SLC13A1: variants seen among roughly 807,000 people sequenced by gnomAD.
SLC13A1 encodes solute carrier family 13 member 1.
In SLC13A1, 65 loss-of-function variants were observed where a neutral mutation model predicts 70.0. That is an observed-to-expected ratio of 0.93 (90% CI 0.76 to 1.14). SLC13A1 has a LOEUF of 1.14. Ranked by LOEUF, SLC13A1 falls within the 50% of genes most tolerant of loss-of-function variation. SLC13A1 has a pLI of 0.00. For synonymous variants in SLC13A1, 275 were observed against 250.5 expected (o/e 1.10, Z -0.92); for missense variants, 726 against 717.8 (o/e 1.01, Z -0.13).
intron 6 of SLC13A1, among the ~76,000 whole-genome samples, chr7:123,150,851 T>A (rs1794530159): frequency 6.6e-6 from 1 of 152,106 alleles, no homozygotes; most frequent in South Asian, 2.1e-4. Flanking sequence ...CTTCCATCCT[T>A]CCTTAAAACT....
chr7:123,157,881 A>G (rs1326392746), intron 6 of SLC13A1, among the ~76,000 whole-genome samples: 1 of 152,146 alleles, frequency 6.6e-6, no homozygotes, highest in African/African-American at 2.4e-5. Flanking sequence ...GAAAATACAC[A>G]TAAAGCTGGT....
chr7:123,125,838 T>A (rs1216350110), intron 10 of SLC13A1, among the ~76,000 whole-genome samples, 163 bp from the exon 11 acceptor site: 1 of 152,162 alleles, frequency 6.6e-6, no homozygotes, highest in Admixed American at 6.5e-5. Context: ...GGATTCCCGA[T>A]TAAATGACAC....
chr7:123,128,007 G>C (rs12535930), intron 10 of SLC13A1, among the ~76,000 whole-genome samples: 1 of 151,756 alleles, frequency 6.6e-6, no homozygotes, highest in East Asian at 1.9e-4. Flanking sequence ...CCTTAATTTA[G>C]AAAATTATGC....
chr7:123,168,633 C>G (rs927365460), intron 4 of SLC13A1, 72 bp from the exon 5 acceptor site: 1 of 1,082,810 alleles, frequency 9.2e-7, no homozygotes, highest in Non-Finnish European at 1.4e-6. Context: ...TGTGTGGATG[C>G]GAAGATGGAA....
intron 1 of SLC13A1, chr7:123,186,706 G>A: frequency 2.2e-6 from 1 of 453,948 alleles, no homozygotes; most frequent in South Asian, 1.6e-5. Flanking sequence ...CCCCAAGTCT[G>A]CTGGAAGTTG....
intron 12 of SLC13A1, among the ~76,000 whole-genome samples, chr7:123,120,112 T>C (rs190348338): frequency 2.0e-3 from 307 of 152,152 alleles, no homozygotes; most frequent in African/African-American, 6.7e-3. Flanking sequence ...TCCTGCTCCA[T>C]TTGGCTTAGT....
chr7:123,136,491 C>A (rs1455241926), intron 7 of SLC13A1, among the ~76,000 whole-genome samples: 1 of 152,160 alleles, frequency 6.6e-6, no homozygotes, highest in Non-Finnish European at 1.5e-5. Context: ...TCATGTCCTG[C>A]AAGTGAAGAG....
chr7:123,188,077 G>A (rs1383709989), intron 1 of SLC13A1, among the ~76,000 whole-genome samples: 3 of 152,126 alleles, frequency 2.0e-5, no homozygotes, highest in African/African-American at 7.2e-5. Context: ...TGCTACCCAG[G>A]TGTCAAGGGA....
At chr7:123,133,227 A>T (rs976895985) in intron 8 of SLC13A1, among the ~76,000 whole-genome samples, 2 of 152,156 alleles carry the variant, frequency 1.3e-5, no homozygotes, top group South Asian at 4.1e-4. Context: ...CCAGAATTTT[A>T]TTCCTGGTCT....
chr7:123,166,250 A>G (rs944536241), intron 6 of SLC13A1, among the ~76,000 whole-genome samples: 2 of 152,106 alleles, frequency 1.3e-5, no homozygotes, highest in Non-Finnish European at 2.9e-5. Flanking sequence ...ATATCAAATC[A>G]ATTTGAATGG....
At chr7:123,130,403 T>C (rs901302355) in intron 8 of SLC13A1, among the ~76,000 whole-genome samples, 1 of 152,170 alleles carries the variant, frequency 6.6e-6, no homozygotes. Context: ...AACAAGATCA[T>C]GTCCTTTGCA....
At chr7:123,183,120 T>C (rs1231916552) in intron 1 of SLC13A1, among the ~76,000 whole-genome samples, 1 of 152,154 alleles carries the variant, frequency 6.6e-6, no homozygotes, top group Non-Finnish European at 1.5e-5. Context: ...CTTTATGTGC[T>C]AGTTTCTACC....
chr7:123,193,953 T>A (rs1291429899), intron 1 of SLC13A1, among the ~76,000 whole-genome samples: 10 of 152,126 alleles, frequency 6.6e-5, no homozygotes, highest in Admixed American at 6.6e-4. Flanking sequence ...CTCTTTCTCC[T>A]GCATTCTCTC....
intron 7 of SLC13A1, among the ~76,000 whole-genome samples, chr7:123,135,471 T>G (rs1428709183): frequency 6.6e-6 from 1 of 152,108 alleles, no homozygotes; most frequent in East Asian, 1.9e-4. Context: ...AAAACAAAGA[T>G]ATACAGAAGT....
intron 6 of SLC13A1, among the ~76,000 whole-genome samples, chr7:123,152,925 A>G (rs958087236): frequency 2.0e-5 from 3 of 152,254 alleles, no homozygotes; most frequent in African/African-American, 7.2e-5. Flanking sequence ...TTAACATTAA[A>G]TAGTTTACTA....
chr7:123,165,247 T>C (rs984978738), intron 6 of SLC13A1, among the ~76,000 whole-genome samples: 2 of 152,108 alleles, frequency 1.3e-5, no homozygotes, highest in Non-Finnish European at 2.9e-5. Flanking sequence ...TAAAGAATAC[T>C]TTAGTGCAGC....
In SLC13A1 at chr7:123,171,854, G is replaced by T. The variant is rs1194559057; in HGVS notation, c.279C>A (p.Ile93=). The change falls in exon 3 of 15, where the codon ATC becomes ATA. Residue 93 remains isoleucine, a synonymous_variant. Coordinates refer to ENST00000194130, the MANE Select transcript of SLC13A1 (RefSeq NM_022444.4). Reference sequence around the variant, plus strand: ...ATTTTTCTATGGATGTTGCTAAACAGATAACTCCAATTAGCAGTAAGTGAA... The same window carrying T: ...ATTTTTCTATGGATGTTGCTAAACATATAACTCCAATTAGCAGTAAGTGAA... ...KDFHLLLIGV[I]CLATSIEKWN... The T allele has an allele frequency of 1.2e-6, 2 of 1,613,302 alleles. No individual in the cohort carries two copies. Among genetic ancestry groups the T allele is most frequent in the Non-Finnish European group, 1.7e-6 (2 of 1,179,562 alleles).
At chr7:123,116,110 TG>T (rs2116232968) in intron 14 of SLC13A1, among the ~76,000 whole-genome samples, 1 of 152,344 alleles carries the variant, frequency 6.6e-6, no homozygotes, top group South Asian at 2.1e-4. Flanking sequence ...ATATGGCAAC[TG>T]TATCTTTTAT....
chr7:123,158,673 C>T (rs1442238405), intron 6 of SLC13A1, among the ~76,000 whole-genome samples: 1 of 151,476 alleles, frequency 6.6e-6, no homozygotes. Flanking sequence ...ACACACACAT[C>T]ATTAAAGCAA....
Sources: gnomAD v4.1 joint callset for allele counts (sites outside exome capture counted in the v4.1 genomes callset) on GRCh38, gnomAD v4.1.1 for gene constraint, MANE v1.5 for transcripts, NCBI Gene and HGNC (gene_info 2026-07-23, HGNC 2026-07-21) for gene names.